CPQ: variants seen among roughly 807,000 people sequenced by gnomAD.
The protein encoded by CPQ is Ser-Met dipeptidase.
In CPQ, 37 loss-of-function variants were observed where a neutral mutation model predicts 45.7. The ratio of observed to expected loss-of-function variants is 0.81; its 90% CI spans 0.62 to 1.07. The LOEUF (loss-of-function observed/expected upper bound fraction) is 1.07. Among genes scored for constraint, CPQ ranks in the 50% least tolerant of loss-of-function variants. CPQ has a pLI of 0.00. For missense variants in CPQ, 537 were observed against 572.9 expected (o/e 0.94, Z 0.64); for synonymous variants, 186 against 205.8 (o/e 0.90, Z 0.82).
At chr8:96,680,480 A>G (rs1445812497) in intron 1 of CPQ, 1 of 152,310 alleles carries the variant, frequency 6.6e-6, no homozygotes, top group East Asian at 1.9e-4. Context: ...GCTGCCATCC[A>G]TGTAAGACAT....
At chr8:96,646,895 T>C (rs775731875) in intron 1 of CPQ, among the ~76,000 whole-genome samples, 29 of 152,192 alleles carry the variant, frequency 1.9e-4, no homozygotes, top group Non-Finnish European at 3.7e-4. Flanking sequence ...CAAGAAAGCC[T>C]GGGAGCTCAA....
At chr8:96,714,562 T>A (rs971763557) in intron 1 of CPQ, among the ~76,000 whole-genome samples, 10 of 152,260 alleles carry the variant, frequency 6.6e-5, no homozygotes, top group South Asian at 2.1e-4. Context: ...AATAAAAAAA[T>A]TATGTTGGTT....
chr8:97,140,022 A>AC, intron 7 of CPQ, among the ~76,000 whole-genome samples: 1 of 151,896 alleles, frequency 6.6e-6, no homozygotes, highest in East Asian at 1.9e-4. Context: ...TAAAAAAAAA[A>AC]CAGAGAAGAC....
At chr8:96,952,641 C>T (rs984389960) in intron 4 of CPQ, among the ~76,000 whole-genome samples, 2 of 151,942 alleles carry the variant, frequency 1.3e-5, no homozygotes, top group African/African-American at 4.8e-5. Context: ...CAATCTTTAG[C>T]CTGCAAATAG....
At chr8:96,960,621 C>T (rs1368856777) in intron 4 of CPQ, among the ~76,000 whole-genome samples, 1 of 152,138 alleles carries the variant, frequency 6.6e-6, no homozygotes, top group Non-Finnish European at 1.5e-5. Context: ...TCACTGTGTT[C>T]CCGTACCTGA....
At chr8:96,945,351 T>G (rs1414032363) in intron 4 of CPQ, among the ~76,000 whole-genome samples, 6 of 152,224 alleles carry the variant, frequency 3.9e-5, no homozygotes, top group Admixed American at 3.9e-4. Flanking sequence ...ATAATGCAGA[T>G]AGTATATTGG....
intron 7 of CPQ, among the ~76,000 whole-genome samples, chr8:97,070,352 T>C (rs1033705575): frequency 6.6e-6 from 1 of 152,180 alleles, no homozygotes; most frequent in African/African-American, 2.4e-5. Context: ...CACTAGGGGC[T>C]TATGTGCATC....
chr8:97,087,788 G>T (rs191043696), intron 7 of CPQ, among the ~76,000 whole-genome samples: 3 of 152,208 alleles, frequency 2.0e-5, no homozygotes, highest in East Asian at 1.9e-4. Flanking sequence ...AACACAAAAG[G>T]TTATTGCTAA....
rs1439666827 is a variant in CPQ at position 96,916,957 on chromosome 8, CA to C, written c.849+36956del. Among the ~76,000 whole-genome samples the C allele has an allele frequency of 1.6e-4, 24 of 152,084 alleles. No homozygotes were observed. The East Asian group carries it at 4.2e-3, about 27-fold the overall frequency. On this transcript the variant is annotated intron_variant, in intron 4 of 7. Coordinates refer to ENST00000220763, the MANE Select transcript of CPQ (RefSeq NM_016134.4). The stretch of plus-strand genomic sequence containing the variant: ...TCATCACATCAAGGGTGCAAACTAT[CA>C]AAATGCTTATTGCTGTTGATGGTAA...
intron 4 of CPQ, among the ~76,000 whole-genome samples, chr8:96,903,120 T>C (rs1405687367): frequency 6.6e-6 from 1 of 152,220 alleles, no homozygotes; most frequent in Non-Finnish European, 1.5e-5. Flanking sequence ...TGCGTCCCTT[T>C]GTGGCTTAGT....
chr8:96,677,260 C>T (rs1399777823), intron 1 of CPQ, among the ~76,000 whole-genome samples: 2 of 152,112 alleles, frequency 1.3e-5, no homozygotes, highest in Non-Finnish European at 2.9e-5. Context: ...CTGTTTTCCA[C>T]AGTGGTTGTA....
At chr8:96,817,391 G>T (rs553909521) in intron 2 of CPQ, among the ~76,000 whole-genome samples, 4 of 152,036 alleles carry the variant, frequency 2.6e-5, no homozygotes, top group Non-Finnish European at 5.9e-5. Flanking sequence ...TAGTAAAAAT[G>T]AAAAAGCTTG....
intron 6 of CPQ, among the ~76,000 whole-genome samples, chr8:97,045,405 CTAGGAAAG>C (rs1810229228): frequency 6.6e-6 from 1 of 152,170 alleles, no homozygotes; most frequent in African/African-American, 2.4e-5. Flanking sequence ...CTTTCTTTGA[CTAGGAAAG>C]GGAACTCCCT....
At chr8:97,040,847 C>T (rs1461995267) in intron 6 of CPQ, among the ~76,000 whole-genome samples, 1 of 152,164 alleles carries the variant, frequency 6.6e-6, no homozygotes, top group Admixed American at 6.5e-5. Flanking sequence ...ATCTATATCT[C>T]TGTTTTGGTA....
chr8:96,869,551 G>T (rs1046344173), intron 3 of CPQ, among the ~76,000 whole-genome samples: 1 of 152,000 alleles, frequency 6.6e-6, no homozygotes, highest in African/African-American at 2.4e-5. Context: ...AACTACTTAG[G>T]TATATTTGTG....
intron 4 of CPQ, among the ~76,000 whole-genome samples, chr8:96,944,917 A>T (rs991582641): frequency 8.6e-5 from 13 of 151,900 alleles, no homozygotes; most frequent in African/African-American, 2.7e-4. Flanking sequence ...AGAGGGTATT[A>T]AAAAAAACTC....
At chr8:96,859,979 T>A (rs552110870) in intron 3 of CPQ, among the ~76,000 whole-genome samples, 49 of 152,310 alleles carry the variant, frequency 3.2e-4, no homozygotes, top group African/African-American at 1.2e-3. Context: ...CAAAAAGACT[T>A]AAATTTAAAT....
At chr8:96,989,352 G>T (rs1809045852) in intron 5 of CPQ, among the ~76,000 whole-genome samples, 1 of 151,260 alleles carries the variant, frequency 6.6e-6, no homozygotes, top group Admixed American at 6.6e-5. Flanking sequence ...AAAAGAAATG[G>T]GCATGTTTCA....
At chr8:96,894,507 C>T (rs886234613) in intron 4 of CPQ, among the ~76,000 whole-genome samples, 1 of 151,986 alleles carries the variant, frequency 6.6e-6, no homozygotes, top group Non-Finnish European at 1.5e-5. Flanking sequence ...TGGAAGTGTG[C>T]CACAGCAAGG....
Sources: allele counts gnomAD v4.1 joint callset (sites outside exome capture counted in the v4.1 genomes callset), GRCh38; gene constraint gnomAD v4.1.1; transcripts MANE v1.5; gene names NCBI Gene and HGNC (gene_info 2026-07-23, HGNC 2026-07-21).